The following SMPD4 variants were observed in gnomAD, a reference collection of about 807,000 sequenced individuals.
SMPD4 encodes the protein sphingomyelin phosphodiesterase 4, also known as neutral sphingomyelinase 3.
In SMPD4, 58 loss-of-function variants were observed where a neutral mutation model predicts 97.8. That is an observed-to-expected ratio of 0.59 (90% CI 0.48 to 0.74). The LOEUF (loss-of-function observed/expected upper bound fraction) is 0.74. SMPD4 is among the 30% of genes least tolerant of loss of function. SMPD4 has a pLI of 0.00. For missense variants in SMPD4, 853 were observed against 1,080.5 expected (o/e 0.79, Z 2.95); for synonymous variants, 388 against 450.0 (o/e 0.86, Z 1.74).
chr2:130,173,579 G>C lies in SMPD4; in HGVS notation c.204C>G (p.Leu68=). The change falls in exon 4 of 20, where the codon CTC becomes CTG. Residue 68 remains leucine, a synonymous_variant. Transcript: ENST00000680298. ...SLDGVLVGWN[L]RCLQGRVNPV... ...GATTCACGCGCCCCTGTAAGCAGCG[G>C]AGGTTCCAGCCAACGAGGACACCAT... The C allele has an allele frequency of 6.2e-7, 1 of 1,613,820 alleles. No individual in the cohort carries two copies. Among genetic ancestry groups the C allele is most frequent in the Non-Finnish European group, 8.5e-7 (1 of 1,179,850 alleles).
At chr2:130,174,302 T>G (rs1166104592) in intron 3 of SMPD4, among the ~76,000 whole-genome samples, 2 of 152,200 alleles carry the variant, frequency 1.3e-5, no homozygotes, top group African/African-American at 4.8e-5. Flanking sequence ...ATTACAGGCA[T>G]GAGCCACCAC....
intron 8 of SMPD4, among the ~76,000 whole-genome samples, chr2:130,171,410 A>G (rs1688454198): frequency 6.6e-6 from 1 of 152,116 alleles, no homozygotes; most frequent in Non-Finnish European, 1.5e-5. Context: ...GCCTACGTAT[A>G]TAATTTCTAA....
At chr2:130,163,275 C>A (rs1486173177) in intron 10 of SMPD4, among the ~76,000 whole-genome samples, 1 of 152,230 alleles carries the variant, frequency 6.6e-6, no homozygotes, top group Non-Finnish European at 1.5e-5. Context: ...GCAGGAAGGG[C>A]ACTGCAGGCT....
chr2:130,172,038 GCTCA>G (rs1688521554), intron 8 of SMPD4, among the ~76,000 whole-genome samples: 1 of 152,164 alleles, frequency 6.6e-6, no homozygotes, highest in Non-Finnish European at 1.5e-5. Flanking sequence ...TTTCCACCCT[GCTCA>G]CTGACTCAGA....
At chr2:130,159,463 A>T (rs1404099028) in intron 11 of SMPD4, 1 of 152,098 alleles carries the variant, frequency 6.6e-6, no homozygotes, top group African/African-American at 2.4e-5. Context: ...ATATGGTGAA[A>T]CTACATCTCT....
chr2:130,167,376 C>T (rs1688035096), intron 9 of SMPD4, 82 bp downstream of exon 9: 1 of 1,594,444 alleles, frequency 6.3e-7, no homozygotes, highest in Non-Finnish European at 8.5e-7. Flanking sequence ...CCACCTAGGC[C>T]TCGCAAAGTG....
chr2:130,162,895 T>C (rs1687564171), intron 10 of SMPD4, among the ~76,000 whole-genome samples: 3 of 152,138 alleles, frequency 2.0e-5, no homozygotes, highest in African/African-American at 7.2e-5. Context: ...CTGAGCAGGG[T>C]CCACCCACCC....
At chr2:130,165,202 C>T (rs995445390) in intron 9 of SMPD4, among the ~76,000 whole-genome samples, 2 of 151,324 alleles carry the variant, frequency 1.3e-5, no homozygotes, top group African/African-American at 4.9e-5. Context: ...AGGTGGATCA[C>T]CTGAGGTCAG....
intron 9 of SMPD4, among the ~76,000 whole-genome samples, chr2:130,166,485 C>T (rs188374296): frequency 3.3e-5 from 5 of 152,216 alleles, no homozygotes; most frequent in East Asian, 3.9e-4. Flanking sequence ...ACAGGGGCAA[C>T]GGTTCTTACC....
chr2:130,155,281 TG>T (rs1439801348), intron 14 of SMPD4, 22 bp from the exon 15 acceptor site: 1 of 1,613,568 alleles, frequency 6.2e-7, no homozygotes, highest in South Asian at 1.1e-5. Context: ...GGTGGCAGGT[TG>T]GGGCCAGCCT....
At chr2:130,171,837 G>A (rs763501095) in intron 8 of SMPD4, among the ~76,000 whole-genome samples, 51 of 152,202 alleles carry the variant, frequency 3.4e-4, no homozygotes, top group African/African-American at 6.0e-4. Flanking sequence ...GTCGGCCTGC[G>A]TTAGTGCCCA....
chr2:130,165,748 T>G (rs1378041742), intron 9 of SMPD4, among the ~76,000 whole-genome samples: 1 of 152,162 alleles, frequency 6.6e-6, no homozygotes, highest in Non-Finnish European at 1.5e-5. Context: ...TGTTTTTCAT[T>G]AGAAGAGATG....
Position 130,152,891 on chromosome 2 carries a change from CACAG to C in SMPD4, c.2155-11_2155-8del, listed in dbSNP as rs775914511. 2.1e-5 allele frequency: 33 copies of C among 1,577,116 alleles called. No individual in the cohort carries two copies. The highest frequency in any genetic ancestry group is 2.2e-5 in the Non-Finnish European group (25 of 1,159,570). On this transcript the variant is annotated splice_region_variant and splice_polypyrimidine_tract_variant and intron_variant, in intron 19 of 19. Transcript: ENST00000680298. Reference sequence around the variant, plus strand: ...CCGCCATCTGTCCTGCAAACTGAAGCACAGACAGAGGCACGGGGATGTGGGGTGG... The same window carrying C: ...CCGCCATCTGTCCTGCAAACTGAAGCACAGAGGCACGGGGATGTGGGGTGG...
chr2:130,176,482 G>T, intron 2 of SMPD4, 72 bp downstream of exon 2: 1 of 1,276,612 alleles, frequency 7.8e-7, no homozygotes, highest in Non-Finnish European at 1.1e-6. Context: ...CAAGTCAATG[G>T]GAAGAACACT....
intron 8 of SMPD4, among the ~76,000 whole-genome samples, chr2:130,168,528 A>AT (rs34973029): frequency 0.44 from 67,109 of 151,088 alleles, 15,607 homozygotes; most frequent in African/African-American, 0.59. Flanking sequence ...CTCGTTATCA[A>AT]TTTTTTTTTG....
chr2:130,176,478 A>C, intron 2 of SMPD4, 76 bp downstream of exon 2: 1 of 1,236,410 alleles, frequency 8.1e-7, no homozygotes. Flanking sequence ...TCTTCAAGTC[A>C]ATGGGAAGAA....
Position 130,157,367 on chromosome 2 carries a change from C to T in SMPD4, c.981G>A (p.Val327=). The T allele has an allele frequency of 6.2e-7, 1 of 1,606,972 alleles. No homozygotes were observed. Among genetic ancestry groups the T allele is most frequent in the Non-Finnish European group, 8.5e-7 (1 of 1,177,684 alleles). ...QESFTPTEEH[V]LVVRLLLKHL... ...GCTTCAGCAGCAGGCGCACCACCAA[C>T]ACATGCTCCTCAGTAGGCGTGAACG... Residue 327 remains valine (V), a synonymous_variant, in exon 12 of 20, where the codon GTG becomes GTA. Transcript: ENST00000680298.
intron 11 of SMPD4, chr2:130,159,580 G>C (rs1337301260): frequency 6.6e-6 from 1 of 151,250 alleles, no homozygotes; most frequent in African/African-American, 2.4e-5. Flanking sequence ...GGAGATTGCA[G>C]TGAGCCGAGA....
rs2599762 is a variant in SMPD4 at position 130,162,132 on chromosome 2, G to C, written c.865-860C>G. ...CCGCACCAGAAACTCCCACCCTCCA[G>C]ATACAGTGGGTTCCCAAGGGCGGGA... On this transcript the variant is annotated intron_variant, in intron 10 of 19. Transcript: ENST00000680298. Among the ~76,000 whole-genome samples, 21 of 152,310 alleles carry C rather than the reference G, an allele frequency of 1.4e-4. 1 individual carries two copies. The highest frequency in any genetic ancestry group is 3.4e-4 in the African/African-American group (14 of 41,580).
Sources: allele counts gnomAD v4.1 joint callset (sites outside exome capture counted in the v4.1 genomes callset), GRCh38; gene constraint gnomAD v4.1.1; transcripts MANE v1.5; gene names NCBI Gene and HGNC (gene_info 2026-07-23, HGNC 2026-07-21).